SORT1: variants seen among roughly 807,000 people sequenced by gnomAD.
The protein encoded by SORT1 is sortilin.
Under a neutral mutation model 101.7 loss-of-function variants are expected in SORT1, and 39 were observed. The ratio of observed to expected loss-of-function variants is 0.38; its 90% confidence interval spans 0.30 to 0.50. The LOEUF is 0.50. Ranked by LOEUF, SORT1 falls within the 20% of genes least tolerant of loss-of-function variation. The pLI, the probability that SORT1 is intolerant of heterozygous loss-of-function variation, is 0.90. For synonymous variants in SORT1, 396 were observed against 393.7 expected (o/e 1.01, Z -0.07); for missense variants, 878 against 1,040.4 (o/e 0.84, Z 2.15).
At chr1:109,392,139 A>T (rs1016830430) in intron 1 of SORT1, among the ~76,000 whole-genome samples, 10 of 152,048 alleles carry the variant, frequency 6.6e-5, no homozygotes, top group Non-Finnish European at 1.0e-4. Flanking sequence ...CACTTTCTGT[A>T]AAAAAAATTG....
At position 109,397,718 on chromosome 1, in the gene SORT1, C is replaced by G; in HGVS notation, c.175G>C (p.Gly59Arg). The G allele has an allele frequency of 8.4e-7, 1 of 1,191,548 alleles. No individual in the cohort carries two copies. The highest frequency in any genetic ancestry group is 1.0e-6 in the Non-Finnish European group (1 of 964,314). 73.8% of individuals were successfully genotyped at this position (1,191,548 alleles called of 1,614,324 possible). A position where few individuals can be genotyped will look rare whatever the true frequency, so the allele number is the denominator to read the frequency against. ...CCCCCGGCTGCGGCCGCCCGCAGCC[C>G]CCAGCTCACCCCGATGGGGCCAGAC... ...RWSGPIGVSW[G>R]LRAAAAGGAF... Residue 59 changes from glycine (G) to arginine (R), a missense_variant, in exon 1 of 20, where the codon GGG becomes CGG. Physicochemically the swap from Gly to Arg is moderately radical, Grantham distance 125. Coordinates refer to ENST00000256637, the MANE Select transcript of SORT1 (RefSeq NM_002959.7).
intron 5 of SORT1, among the ~76,000 whole-genome samples, chr1:109,352,725 C>T (rs1295087554): frequency 7.2e-5 from 11 of 152,300 alleles, no homozygotes. Context: ...CACTTTAGTA[C>T]AAATTGGTCC....
intron 1 of SORT1, among the ~76,000 whole-genome samples, chr1:109,376,100 T>C (rs1651817837): frequency 6.6e-6 from 1 of 152,052 alleles, no homozygotes; most frequent in Non-Finnish European, 1.5e-5. Context: ...CCCAGCACTT[T>C]GGGAGGCCGA....
intron 11 of SORT1, among the ~76,000 whole-genome samples, chr1:109,330,757 A>C (rs1309504548): frequency 6.6e-6 from 1 of 152,128 alleles, no homozygotes; most frequent in Non-Finnish European, 1.5e-5. Context: ...AGACTCAAGT[A>C]AAATCAGAAA....
Position 109,326,606 on chromosome 1 carries a change from G to GT in SORT1, c.1643+385dup, listed in dbSNP as rs540487617. Among the ~76,000 whole-genome samples, 151 of 136,298 alleles carry GT rather than the reference G, an allele frequency of 1.1e-3. 1 individual carries two copies. The South Asian group carries it at 0.024, about 22-fold the overall frequency. 89.4% of individuals were successfully genotyped at this position (136,298 alleles called of 152,430 possible). ...ACACACACACATATATATATATATG[G>GT]TTTTTTTTTTGATTGAAATAATATT... On this transcript the variant is annotated intron_variant, in intron 13 of 19. Coordinates refer to ENST00000256637, the MANE Select transcript of SORT1 (RefSeq NM_002959.7).
chr1:109,326,918 C>T, intron 13 of SORT1, 74 bp downstream of exon 13: 1 of 1,136,156 alleles, frequency 8.8e-7, no homozygotes, highest in Non-Finnish European at 1.2e-6. Context: ...TGTAACATCC[C>T]CCCAATAAAC....
intron 1 of SORT1, among the ~76,000 whole-genome samples, chr1:109,381,713 A>G (rs1296661405): frequency 6.6e-6 from 1 of 152,120 alleles, no homozygotes; most frequent in Non-Finnish European, 1.5e-5. Flanking sequence ...CCAAAAAACC[A>G]ACAATAACAA....
chr1:109,356,783 C>T (rs945179630), intron 3 of SORT1, among the ~76,000 whole-genome samples: 12 of 152,186 alleles, frequency 7.9e-5, no homozygotes, highest in Admixed American at 3.9e-4. Flanking sequence ...GAGAAGTATT[C>T]GAATCCATGT....
At chr1:109,346,029 C>A (rs1330294638) in intron 7 of SORT1, 148 bp from the exon 8 acceptor site, 4 of 693,626 alleles carry the variant, frequency 5.8e-6, no homozygotes, top group East Asian at 5.8e-5. Context: ...TGTGATACAG[C>A]GGCCAGGCGC....
chr1:109,349,155 G>A (rs1649805638), intron 6 of SORT1, among the ~76,000 whole-genome samples: 1 of 152,060 alleles, frequency 6.6e-6, no homozygotes, highest in African/African-American at 2.4e-5. Context: ...GACCAGCTTG[G>A]CCAACATGGT....
rs184416704 is a variant in SORT1 at position 109,367,365 on chromosome 1, A to C, written c.440+43T>G. 6 of 1,103,824 alleles carry C rather than the reference A, an allele frequency of 5.4e-6. No individual in the cohort carries two copies. The African/African-American group carries it at 7.8e-5, about 14-fold the overall frequency. 68.4% of individuals were successfully genotyped at this position (1,103,824 alleles called of 1,614,324 possible). Reference sequence around the variant, plus strand: ...AGAAAAGGGAGAATCTATATTCTCAATGTTACTTAGTGAAATGCTCCAACG... The same window carrying C: ...AGAAAAGGGAGAATCTATATTCTCACTGTTACTTAGTGAAATGCTCCAACG... On this transcript the variant is annotated intron_variant, in intron 3 of 19. Transcript: ENST00000256637.
chr1:109,359,246 CTCTTA>C (rs1428809352), intron 3 of SORT1, among the ~76,000 whole-genome samples: 1 of 152,062 alleles, frequency 6.6e-6, no homozygotes, highest in Non-Finnish European at 1.5e-5. Context: ...CTCGGGGTCT[CTCTTA>C]TAAGGGGACT....
intron 1 of SORT1, among the ~76,000 whole-genome samples, chr1:109,380,422 C>T (rs1299763782): frequency 2.0e-5 from 3 of 151,254 alleles, no homozygotes; most frequent in Non-Finnish European, 4.4e-5. Context: ...GTTTAAATTG[C>T]AAAACACCAA....
Position 109,342,092 on chromosome 1 carries a change from A to G in SORT1, c.1030T>C (p.Ser344Pro). 2 of 1,613,216 alleles carry G rather than the reference A, an allele frequency of 1.2e-6. No individual in the cohort carries two copies. Among genetic ancestry groups the G allele is most frequent in the Non-Finnish European group, 1.7e-6 (2 of 1,179,248 alleles). The change falls in exon 9 of 20, where the codon TCC (serine) becomes CCC (proline). Residue 344 changes from serine (S) to proline (P), a missense_variant. This residue lies in a region of SORT1 where 684 missense variants were observed against 894.5 expected (regional missense o/e 0.76). Transcript: ENST00000256637. ...GAATAGAACTGTTCCTGTCCCACGG[A>G]GGGGAGCTGGGCCATGCTCCATGTG... ...GDTWSMAQLP[S>P]VGQEQFYSIL...
intron 11 of SORT1, among the ~76,000 whole-genome samples, chr1:109,329,495 C>T (rs143248105): frequency 0.05 from 7,578 of 152,254 alleles, 212 homozygotes; most frequent in Non-Finnish European, 0.062. Context: ...CCTCGTGATC[C>T]GCCCGCCTTG....
At chr1:109,349,378 C>G (rs945757965) in intron 6 of SORT1, among the ~76,000 whole-genome samples, 3 of 152,024 alleles carry the variant, frequency 2.0e-5, no homozygotes, top group African/African-American at 4.8e-5. Flanking sequence ...CCTGATAAAA[C>G]TGTATAAGGT....
intron 3 of SORT1, among the ~76,000 whole-genome samples, chr1:109,366,057 C>G (rs1651067873): frequency 1.3e-5 from 2 of 152,184 alleles, no homozygotes; most frequent in South Asian, 4.1e-4. Flanking sequence ...GTCATTACTT[C>G]TTTAGGTCTC....
chr1:109,373,827 T>C (rs1025830774), intron 1 of SORT1, among the ~76,000 whole-genome samples: 4 of 152,222 alleles, frequency 2.6e-5, no homozygotes, highest in Non-Finnish European at 4.4e-5. Flanking sequence ...CTTATGTCTA[T>C]AATCCCAGCC....
At chr1:109,329,544 T>C (rs1005173490) in intron 11 of SORT1, among the ~76,000 whole-genome samples, 4 of 152,114 alleles carry the variant, frequency 2.6e-5, no homozygotes, top group African/African-American at 7.2e-5. Flanking sequence ...TGAGCCACCA[T>C]GTCCAGCCGG....
Sources: gnomAD v4.1 joint callset for allele counts (sites outside exome capture counted in the v4.1 genomes callset) on GRCh38, gnomAD v4.1.1 for gene constraint, gnomAD v4.1.1 regional missense constraint, MANE v1.5 for transcripts, NCBI Gene and HGNC (gene_info 2026-07-23, HGNC 2026-07-21) for gene names.